FIGN: variants seen among roughly 807,000 people sequenced by gnomAD.
FIGN encodes the protein fidgetin.
Under a neutral mutation model 51.3 loss-of-function variants are expected in FIGN, and 11 were observed. That is an observed-to-expected ratio of 0.21 (90% CI 0.13 to 0.35). The LOEUF is 0.35. Among genes scored for constraint, FIGN ranks in the 10% least tolerant of loss-of-function variants. The pLI is 1.00. For synonymous variants in FIGN, 407 were observed against 363.2 expected, an observed-to-expected ratio of 1.12 and a Z score of -1.37; for missense variants, 857 against 943.6, an observed-to-expected ratio of 0.91 and a Z score of 1.20.
intron 2 of FIGN, among the ~76,000 whole-genome samples, chr2:163,734,684 A>G (rs1684987677): frequency 6.6e-6 from 1 of 152,064 alleles, no homozygotes; most frequent in Non-Finnish European, 1.5e-5. Context: ...AAAACCGATA[A>G]AAGTGGATTC....
At chr2:163,697,374 T>A (rs1397109301) in intron 2 of FIGN, among the ~76,000 whole-genome samples, 1 of 152,100 alleles carries the variant, frequency 6.6e-6, no homozygotes, top group African/African-American at 2.4e-5. Context: ...GTGCTGGAAT[T>A]GCAGGCATGA....
chr2:163,639,048 T>C (rs987690290), intron 2 of FIGN, among the ~76,000 whole-genome samples: 1 of 152,196 alleles, frequency 6.6e-6, no homozygotes, highest in Admixed American at 6.5e-5. Context: ...TTATGTTGTT[T>C]GCTTGTTACT....
At chr2:163,683,754 G>T (rs1684101571) in intron 2 of FIGN, among the ~76,000 whole-genome samples, 1 of 152,192 alleles carries the variant, frequency 6.6e-6, no homozygotes, top group Non-Finnish European at 1.5e-5. Flanking sequence ...AGCTCCCCAG[G>T]TAATTCTAAT....
At chr2:163,636,245 C>G (rs1415911293) in intron 2 of FIGN, among the ~76,000 whole-genome samples, 1 of 152,158 alleles carries the variant, frequency 6.6e-6, no homozygotes, top group Admixed American at 6.5e-5. Flanking sequence ...CACTACCTCT[C>G]TTTTAAAACT....
intron 2 of FIGN, among the ~76,000 whole-genome samples, chr2:163,614,544 A>T (rs1682837097): frequency 6.6e-6 from 1 of 152,132 alleles, no homozygotes; most frequent in Non-Finnish European, 1.5e-5. Context: ...AATACAGAGT[A>T]GAGAAAATAA....
chr2:163,633,271 G>C (rs905178474), intron 2 of FIGN, among the ~76,000 whole-genome samples: 2 of 152,154 alleles, frequency 1.3e-5, no homozygotes, highest in African/African-American at 4.8e-5. Context: ...AGTTAGATGT[G>C]TATAAGGGGA....
intron 2 of FIGN, chr2:163,612,303 C>G (rs774001284): frequency 2.4e-4 from 239 of 985,122 alleles, no homozygotes; most frequent in Non-Finnish European, 2.9e-4. Context: ...AAATGAGACA[C>G]AGCTGACAGA....
chr2:163,694,138 T>C (rs1377657098), intron 2 of FIGN, among the ~76,000 whole-genome samples: 2 of 152,276 alleles, frequency 1.3e-5, no homozygotes, highest in African/African-American at 4.8e-5. Context: ...TTTATTCTGA[T>C]AGTGGAAGGA....
At position 163,610,214 on chromosome 2, in the gene FIGN, C is replaced by T. The variant is rs202196057; in HGVS notation, c.1618G>A (p.Ala540Thr). ...AAAAATGTGGCCCCCAGCTGACTAGCGATGCATCTGCCCAATAATGTTTTG... is the reference window on the plus strand; with the variant it reads ...AAAAATGTGGCCCCCAGCTGACTAGTGATGCATCTGCCCAATAATGTTTTG... ...TGKTLLGRCI[A>T]SQLGATFFKI... Residue 540 changes from alanine (A) to threonine (T), a missense_variant, in exon 3 of 3, where the codon GCT becomes ACT. Coordinates refer to ENST00000333129, the MANE Select transcript of FIGN (RefSeq NM_018086.4). The T allele has an allele frequency of 1.2e-4, 191 of 1,614,020 alleles. 1 individual carries two copies. The highest frequency in any genetic ancestry group is 4.9e-4 in the Middle Eastern group (3 of 6,084).
intron 2 of FIGN, among the ~76,000 whole-genome samples, chr2:163,655,804 C>CACACAGAGAGAG (rs374458554): frequency 6.2e-5 from 9 of 145,780 alleles, no homozygotes; most frequent in African/African-American, 2.3e-4. Flanking sequence ...CACACACACA[C>CACACAGAGAGAG]AGAGAGAGAG....
intron 2 of FIGN, 90 bp from the exon 3 acceptor site, chr2:163,611,896 A>ATTTC: frequency 9.8e-7 from 1 of 1,025,472 alleles, no homozygotes; most frequent in South Asian, 1.7e-5. Context: ...GTTACCTATT[A>ATTTC]TTTTCCATTA....
At chr2:163,611,906 A>C (rs1300112770) in intron 2 of FIGN, 100 bp from the exon 3 acceptor site, 2 of 701,234 alleles carry the variant, frequency 2.9e-6, no homozygotes, top group Non-Finnish European at 2.2e-6. Flanking sequence ...ATTTTCCATT[A>C]ATGATATGCA....
rs144479015 is a variant in FIGN at position 163,699,258 on chromosome 2, G to C, written c.25+35645C>G. On this transcript the variant is annotated intron_variant, in intron 2 of 2. Transcript: ENST00000333129. Reference sequence around the variant, plus strand: ...CAGGTATGAAGAAATGGTTTTATCAGATGTTTTTAGTTCTATAAAATTAAG... The same window carrying C: ...CAGGTATGAAGAAATGGTTTTATCACATGTTTTTAGTTCTATAAAATTAAG... Among the ~76,000 whole-genome samples the C allele has an allele frequency of 8.9e-3, 1,348 of 152,260 alleles. 24 individuals are homozygous for C. Among genetic ancestry groups the C allele is most frequent in the African/African-American group, 0.031 (1,288 of 41,564 alleles).
At chr2:163,728,778 C>A (rs1201229426) in intron 2 of FIGN, among the ~76,000 whole-genome samples, 1 of 152,162 alleles carries the variant, frequency 6.6e-6, no homozygotes, top group Non-Finnish European at 1.5e-5. Context: ...CCCCACCCCA[C>A]CACACAATAC....
chr2:163,650,997 G>A (rs1302367589), intron 2 of FIGN, among the ~76,000 whole-genome samples: 7 of 152,258 alleles, frequency 4.6e-5, no homozygotes, highest in East Asian at 1.9e-4. Flanking sequence ...GATGATTTTC[G>A]AATTGGGCTC....
intron 2 of FIGN, among the ~76,000 whole-genome samples, chr2:163,630,917 GC>G (rs1445004041): frequency 1.3e-5 from 2 of 152,056 alleles, no homozygotes; most frequent in South Asian, 2.1e-4. Context: ...ACTCCTCTCA[GC>G]CCTAAACACA....
intron 2 of FIGN, among the ~76,000 whole-genome samples, chr2:163,645,114 G>GA (rs1320586746): frequency 6.6e-6 from 1 of 151,980 alleles, no homozygotes; most frequent in Non-Finnish European, 1.5e-5. Flanking sequence ...AACACTTAAA[G>GA]AAAAAAATTA....
intron 2 of FIGN, among the ~76,000 whole-genome samples, chr2:163,641,798 T>C (rs1683310115): frequency 6.6e-6 from 1 of 152,208 alleles, no homozygotes; most frequent in African/African-American, 2.4e-5. Context: ...CAAATATTCT[T>C]CTTAGAATTA....
At chr2:163,673,994 TA>T in intron 2 of FIGN, among the ~76,000 whole-genome samples, 1 of 152,232 alleles carries the variant, frequency 6.6e-6, no homozygotes. Flanking sequence ...TAACATTTAT[TA>T]ATAAAATTCT....
Sources: allele counts gnomAD v4.1 joint callset (sites outside exome capture counted in the v4.1 genomes callset), GRCh38; gene constraint gnomAD v4.1.1; transcripts MANE v1.5; gene names NCBI Gene and HGNC (gene_info 2026-07-23, HGNC 2026-07-21).